ABTB3: variants seen among roughly 807,000 people sequenced by gnomAD.
ABTB3 encodes ankyrin repeat- and BTB/POZ domain-containing protein 3.
chr12:107,549,602 A>C, the ABTB3 span, among the ~76,000 whole-genome samples: 2 of 152,254 alleles, frequency 1.3e-5, no homozygotes, highest in African/African-American at 2.4e-5. Context: ...TGGGAGGCCC[A>C]GTATGGGTAG....
At chr12:107,318,879 G>T in the ABTB3 span, 1 of 1,496,430 alleles carries the variant, frequency 6.7e-7, no homozygotes, top group South Asian at 1.3e-5. Context: ...CGCGGCACTC[G>T]CTGCTCCTCG....
the ABTB3 span, among the ~76,000 whole-genome samples, chr12:107,637,786 TTGTGTGTGTGTG>T: frequency 0.045 from 6,486 of 144,530 alleles, 206 homozygotes; most frequent in Non-Finnish European, 0.066. Context: ...AGCACTGATT[TTGTGTGTGTGTG>T]TGTGTGTGTG....
the ABTB3 span, among the ~76,000 whole-genome samples, chr12:107,524,974 T>C: frequency 0.22 from 33,714 of 152,076 alleles, 3,858 homozygotes; most frequent in African/African-American, 0.26. Flanking sequence ...ATACAGCAAG[T>C]GCTGCGTCAT....
the ABTB3 span, among the ~76,000 whole-genome samples, chr12:107,363,300 G>C: frequency 1.1e-4 from 17 of 152,248 alleles, no homozygotes; most frequent in Admixed American, 1.1e-3. Flanking sequence ...CTTGACAAGT[G>C]TCCTTGCTTC....
chr12:107,618,231 G>T, the ABTB3 span: 1 of 1,614,040 alleles, frequency 6.2e-7, no homozygotes, highest in Non-Finnish European at 8.5e-7. Flanking sequence ...GGAGATTCTG[G>T]CCGAGGGGAC....
At chr12:107,359,954 C>CCCTCTCTT in the ABTB3 span, among the ~76,000 whole-genome samples, 1 of 152,164 alleles carries the variant, frequency 6.6e-6, no homozygotes, top group Non-Finnish European at 1.5e-5. Flanking sequence ...TATTTTCCCT[C>CCCTCTCTT]CCTCTCTTCT....
the ABTB3 span, among the ~76,000 whole-genome samples, chr12:107,601,788 C>T: frequency 1.7e-4 from 26 of 152,262 alleles, no homozygotes; most frequent in East Asian, 2.9e-3. Context: ...TAAACAAGTT[C>T]GTATTTGTAA....
chr12:107,620,300 C>T, the ABTB3 span: 1 of 1,176,668 alleles, frequency 8.5e-7, no homozygotes, highest in Non-Finnish European at 1.2e-6. Context: ...GCGAATGTAG[C>T]CCAGCAGACG....
the ABTB3 span, among the ~76,000 whole-genome samples, chr12:107,442,858 A>G: frequency 1.3e-5 from 2 of 152,172 alleles, no homozygotes; most frequent in Non-Finnish European, 2.9e-5. Flanking sequence ...ACAAAATAGC[A>G]TAAACTGGGT....
chr12:107,484,488 G>T, the ABTB3 span, among the ~76,000 whole-genome samples: 1 of 152,224 alleles, frequency 6.6e-6, no homozygotes, highest in Non-Finnish European at 1.5e-5. Flanking sequence ...AAGAGAAAGT[G>T]AGTCCCAGGG....
chr12:107,556,280 G>A, the ABTB3 span, among the ~76,000 whole-genome samples: 1 of 152,158 alleles, frequency 6.6e-6, no homozygotes, highest in East Asian at 1.9e-4. Flanking sequence ...ATTTTTAGTA[G>A]AGACAGGGTT....
chr12:107,486,275 A>G, the ABTB3 span, among the ~76,000 whole-genome samples: 1 of 152,146 alleles, frequency 6.6e-6, no homozygotes, highest in Non-Finnish European at 1.5e-5. Flanking sequence ...TGATAAACCT[A>G]TATTTGTGTT....
the ABTB3 span, among the ~76,000 whole-genome samples, chr12:107,628,423 G>A: frequency 7.5e-4 from 114 of 152,304 alleles, no homozygotes; most frequent in African/African-American, 2.6e-3. Context: ...GACTATAGGC[G>A]TGAGCCACCA....
At chr12:107,376,900 C>G in the ABTB3 span, among the ~76,000 whole-genome samples, 1 of 152,158 alleles carries the variant, frequency 6.6e-6, no homozygotes. Context: ...GGCAGATTCT[C>G]CATTTGAGCC....
chr12:107,594,604 T>C, the ABTB3 span, among the ~76,000 whole-genome samples: 1 of 152,088 alleles, frequency 6.6e-6, no homozygotes, highest in Non-Finnish European at 1.5e-5. Context: ...CACTCTCAAT[T>C]TGTTCATCTT....
the ABTB3 span, among the ~76,000 whole-genome samples, chr12:107,642,751 T>G: frequency 6.6e-6 from 1 of 152,172 alleles, no homozygotes; most frequent in Non-Finnish European, 1.5e-5. Flanking sequence ...AGCATTAGTC[T>G]AAATCTACCC....
At chr12:107,482,840 T>C in the ABTB3 span, among the ~76,000 whole-genome samples, 4 of 151,882 alleles carry the variant, frequency 2.6e-5, no homozygotes, top group Admixed American at 6.6e-5. Context: ...TCTTTCTTTC[T>C]TTCTTTTCTT....
At chr12:107,630,125 C>T in the ABTB3 span, among the ~76,000 whole-genome samples, 1 of 152,206 alleles carries the variant, frequency 6.6e-6, no homozygotes. Flanking sequence ...GGAGTTTTCT[C>T]TTAGGACTCT....
At chr12:107,432,351 T>A in the ABTB3 span, among the ~76,000 whole-genome samples, 1 of 152,222 alleles carries the variant, frequency 6.6e-6, no homozygotes, top group Non-Finnish European at 1.5e-5. Flanking sequence ...GGTACATTTT[T>A]ACCTCTCCAG....
Sources: gnomAD v4.1 joint callset for allele counts (sites outside exome capture counted in the v4.1 genomes callset) on GRCh38, gnomAD v4.1.1 for gene constraint, MANE v1.5 for transcripts, NCBI Gene and HGNC (gene_info 2026-07-23, HGNC 2026-07-21) for gene names.